The following NET1 variants were observed in gnomAD, a reference collection of about 807,000 sequenced individuals.
The protein encoded by NET1 is neuroepithelial cell transforming 1, also known as neuroepithelial cell-transforming gene 1 protein.
A neutral mutation model predicts 61.1 loss-of-function variants in NET1; 42 were observed. The observed-to-expected ratio is 0.69, with a 90% CI of 0.54 to 0.89. The LOEUF is 0.89. Ranked by LOEUF, NET1 falls within the 40% of genes least tolerant of loss-of-function variation. NET1 has a pLI of 0.00. For synonymous variants in NET1, 254 were observed against 281.8 expected, an observed-to-expected ratio of 0.90 and a Z score of 0.99; for missense variants, 654 against 747.3, an observed-to-expected ratio of 0.88 and a Z score of 1.46.
At position 5,416,049 on chromosome 10, in the gene NET1, C is replaced by T. The variant is rs183323727; in HGVS notation, c.128+3229C>T. On this transcript the variant is annotated intron_variant, in intron 1 of 11. Coordinates refer to ENST00000355029, the MANE Select transcript of NET1 (RefSeq NM_001047160.3). This position sits in a 1 kb window ranked among gnomAD's most constrained non-coding sequence, Gnocchi z 6.1. ...AGCTTTTATATTTGGGTCTTTAATCCATTTTGAGTTAGTTTTTGTATATAA... is the reference window on the plus strand; with the variant it reads ...AGCTTTTATATTTGGGTCTTTAATCTATTTTGAGTTAGTTTTTGTATATAA... Among the ~76,000 whole-genome samples the T allele has an allele frequency of 6.6e-6, 1 of 152,118 alleles. No individual in the cohort carries two copies. The highest frequency in any genetic ancestry group is 1.5e-5 in the Non-Finnish European group (1 of 67,982).
At position 5,458,432 on chromosome 10, in the gene NET1, T is replaced by C. The variant is rs1411019207; in HGVS notation, c.*1438T>C. 1.3e-5 allele frequency: 2 copies of C among 151,544 alleles called. No individual in the cohort carries two copies. Among genetic ancestry groups the C allele is most frequent in the East Asian group, 3.9e-4 (2 of 5,110 alleles). The allele number at this position is 151,544 out of a possible 1,614,324, so 9.4% of individuals were successfully genotyped here. A position where few individuals can be genotyped will look rare whatever the true frequency, so the allele number is the denominator to read the frequency against. On this transcript the variant is annotated 3_prime_UTR_variant, in exon 12 of 12. Transcript: ENST00000355029. The surrounding 1 kb of genome is among the most constrained non-coding windows in gnomAD (Gnocchi z 4.5). ...ATGATTTCTCTGTACAAATGAATGA[T>C]ACTATTAAAAAAAAAAAAAGCACAC...
At chr10:5,438,650 A>G (rs941414904) in intron 3 of NET1, among the ~76,000 whole-genome samples, 2 of 152,214 alleles carry the variant, frequency 1.3e-5, no homozygotes, top group African/African-American at 4.8e-5. Flanking sequence ...GGTAAATTCT[A>G]CCAAACATTT....
chr10:5,456,427 C>T lies in NET1; in HGVS notation c.1384+154C>T, dbSNP rs10904507. ...TCCAGGCCTTCCCAGCTCGAACACC[C>T]GCAGGTGTATCTAAGAAATAATGCA... On this transcript the variant is annotated intron_variant, in intron 11 of 11. Transcript: ENST00000355029. The surrounding 1 kb of genome is among the most constrained non-coding windows in gnomAD (Gnocchi z 7.0). The T allele has an allele frequency of 0.28, 274,993 of 998,076 alleles. 38,760 individuals carry two copies. Among genetic ancestry groups the T allele is most frequent in the Middle Eastern group, 0.29 (878 of 3,014 alleles). The allele number at this position is 998,076 out of a possible 1,614,324, so 61.8% of individuals were successfully genotyped here.
Position 5,412,681 on chromosome 10 carries a change from C to T in NET1, c.-12C>T, listed in dbSNP as rs745904750. On this transcript the variant is annotated 5_prime_UTR_variant, in exon 1 of 12. Transcript: ENST00000355029. This position sits in a 1 kb window ranked among gnomAD's most constrained non-coding sequence, Gnocchi z 6.5. The stretch of plus-strand genomic sequence containing the variant: ...GGGCACCCGGCCACCGCCCCACCCC[C>T]TCCTCCGTGCCATGGAGCCCGAGCT... 6.8e-7 allele frequency: 1 copy of T among 1,465,304 alleles called. No individual in the cohort carries two copies. Among genetic ancestry groups the T allele is most frequent in the Admixed American group, 2.8e-5 (1 of 36,358 alleles). The allele number at this position is 1,465,304 out of a possible 1,614,324, so 90.8% of individuals were successfully genotyped here.
intron 2 of NET1, among the ~76,000 whole-genome samples, chr10:5,428,501 A>AAAG (rs1832296150): frequency 6.6e-6 from 1 of 151,424 alleles, no homozygotes; most frequent in African/African-American, 2.4e-5. Flanking sequence ...TTCCTTTTCA[A>AAAG]AAAAAAAAAA....
intron 3 of NET1, among the ~76,000 whole-genome samples, chr10:5,436,246 A>ATG (rs1832435398): frequency 2.9e-5 from 1 of 34,138 alleles, no homozygotes; most frequent in African/African-American, 1.4e-4. Flanking sequence ...ATATATATAT[A>ATG]TATTTTTTTT....
chr10:5,456,662 T>A lies in NET1; in HGVS notation c.1459T>A (p.Phe487Ile). The change falls in exon 12 of 12, where the codon TTC becomes ATC. Residue 487 changes from phenylalanine (F) to isoleucine (I), a missense_variant. Transcript: ENST00000355029. This position sits in a 1 kb window ranked among gnomAD's most constrained non-coding sequence, Gnocchi z 7.0. ...TCACACTCTGCAAGCCAATGACGTG[T>A]TCCACAAGCAGCAGTGGTTCAACTG... ...QSHTLQANDVFHKQQWFNCIR... is the reference protein window; with the variant it reads ...QSHTLQANDVIHKQQWFNCIR... The A allele has an allele frequency of 6.2e-7, 1 of 1,613,866 alleles. No individual in the cohort carries two copies. Among genetic ancestry groups the A allele is most frequent in the Non-Finnish European group, 8.5e-7 (1 of 1,179,906 alleles).
rs552489259 is a variant in NET1 at position 5,444,509 on chromosome 10, A to G, written c.256-7321A>G. Among the ~76,000 whole-genome samples the G allele has an allele frequency of 2.1e-4, 32 of 152,268 alleles. No individual in the cohort carries two copies. Among genetic ancestry groups the G allele is most frequent in the African/African-American group, 7.0e-4 (29 of 41,548 alleles). ...ATAGCACACTTGAGATCCTCATTAA[A>G]CTTGTAATCACTAAATCCGTGGCTT... On this transcript the variant is annotated intron_variant, in intron 3 of 11. Coordinates refer to ENST00000355029, the MANE Select transcript of NET1 (RefSeq NM_001047160.3). The surrounding 1 kb of genome is among the most constrained non-coding windows in gnomAD (Gnocchi z 5.3).
Position 5,423,209 on chromosome 10 carries a change from A to C in NET1, c.129-3446A>C, listed in dbSNP as rs1332465520. 6.6e-6 allele frequency among the ~76,000 whole-genome samples: 1 copy of C among 152,128 alleles called. No individual in the cohort carries two copies. Among genetic ancestry groups the C allele is most frequent in the East Asian group, 1.9e-4 (1 of 5,194 alleles). ...ATCTTGAGGGTAAATTATGCTTTTAAGAATGCTTTTTTCCTGTTGGTAATA... is the reference window on the plus strand; with the variant it reads ...ATCTTGAGGGTAAATTATGCTTTTACGAATGCTTTTTTCCTGTTGGTAATA... On this transcript the variant is annotated intron_variant, in intron 1 of 11. Coordinates refer to ENST00000355029, the MANE Select transcript of NET1 (RefSeq NM_001047160.3). This position sits in a 1 kb window ranked among gnomAD's most constrained non-coding sequence, Gnocchi z 4.4.
chr10:5,413,967 A>C (rs2119159315), intron 1 of NET1, among the ~76,000 whole-genome samples: 1 of 152,328 alleles, frequency 6.6e-6, no homozygotes, highest in East Asian at 1.9e-4. Flanking sequence ...GATTAAAAGG[A>C]ACACTTAATC....
In NET1 at chr10:5,412,674, C is replaced by A; in HGVS notation, c.-19C>A. ...GTCTCCCGGGCACCCGGCCACCGCC[C>A]CACCCCCTCCTCCGTGCCATGGAGC... On this transcript the variant is annotated 5_prime_UTR_variant, in exon 1 of 12. Coordinates refer to ENST00000355029, the MANE Select transcript of NET1 (RefSeq NM_001047160.3). The surrounding 1 kb of genome is among the most constrained non-coding windows in gnomAD (Gnocchi z 6.5). The A allele has an allele frequency of 6.8e-7, 1 of 1,461,768 alleles. No individual in the cohort carries two copies. Among genetic ancestry groups the A allele is most frequent in the Non-Finnish European group, 8.9e-7 (1 of 1,118,422 alleles). The allele number at this position is 1,461,768 out of a possible 1,614,324, so 90.5% of individuals were successfully genotyped here. A position where few individuals can be genotyped will look rare whatever the true frequency, so the allele number is the denominator to read the frequency against.
intron 3 of NET1, among the ~76,000 whole-genome samples, chr10:5,436,930 A>G (rs933007698): frequency 5.9e-5 from 9 of 152,198 alleles, no homozygotes; most frequent in African/African-American, 9.7e-5. Context: ...AAGAAAGCCA[A>G]CTGCTGGTTC....
At chr10:5,436,412 G>A (rs1267456356) in intron 3 of NET1, among the ~76,000 whole-genome samples, 3 of 149,696 alleles carry the variant, frequency 2.0e-5, no homozygotes, top group Non-Finnish European at 4.4e-5. Context: ...TTAATTTTGT[G>A]TTTTTAGTAG....
chr10:5,420,392 G>A lies in NET1; in HGVS notation c.129-6263G>A, dbSNP rs777557175. On this transcript the variant is annotated intron_variant, in intron 1 of 11. Coordinates refer to ENST00000355029, the MANE Select transcript of NET1 (RefSeq NM_001047160.3). This position sits in a 1 kb window ranked among gnomAD's most constrained non-coding sequence, Gnocchi z 5.3. ...ATATACAATTTTTATAACTCAGGTGGAATATATTTGGTATGTTGTATAAGA... is the reference window on the plus strand; with the variant it reads ...ATATACAATTTTTATAACTCAGGTGAAATATATTTGGTATGTTGTATAAGA... Among the ~76,000 whole-genome samples, 11 of 152,074 alleles carry A rather than the reference G, an allele frequency of 7.2e-5. No homozygotes were observed. The highest frequency in any genetic ancestry group is 1.2e-4 in the Non-Finnish European group (8 of 68,014).
In NET1 at chr10:5,423,940, G is replaced by GA. The variant is rs1832220846; in HGVS notation, c.129-2709dup. On this transcript the variant is annotated intron_variant, in intron 1 of 11. Coordinates refer to ENST00000355029, the MANE Select transcript of NET1 (RefSeq NM_001047160.3). The surrounding 1 kb of genome is among the most constrained non-coding windows in gnomAD (Gnocchi z 4.4). ...AAATAGAATCTTGTTATTGAAGTGG[G>GA]AAAAAATAGCATTACTGTAAAGCTG... is the stretch of plus-strand genomic sequence containing the variant. Among the ~76,000 whole-genome samples the GA allele has an allele frequency of 6.6e-6, 1 of 152,018 alleles. No individual in the cohort carries two copies. The highest frequency in any genetic ancestry group is 1.5e-5 in the Non-Finnish European group (1 of 67,976).
Position 5,420,950 on chromosome 10 carries a change from G to A in NET1, c.129-5705G>A, listed in dbSNP as rs905663941. Among the ~76,000 whole-genome samples, 5 of 152,096 alleles carry A rather than the reference G, an allele frequency of 3.3e-5. No homozygotes were observed. The highest frequency in any genetic ancestry group is 1.9e-4 in the East Asian group (1 of 5,180). On this transcript the variant is annotated intron_variant, in intron 1 of 11. Coordinates refer to ENST00000355029, the MANE Select transcript of NET1 (RefSeq NM_001047160.3). This position sits in a 1 kb window ranked among gnomAD's most constrained non-coding sequence, Gnocchi z 5.3. ...TACTACATGATTGAGAGCTCAGAAC[G>A]AGGACTGCTTTTCTGGCCTAGTTTT...
In NET1 at chr10:5,446,979, A is replaced by G. The variant is rs1470303707; in HGVS notation, c.256-4851A>G. The G allele has an allele frequency of 7.5e-6, 5 of 669,538 alleles. No individual in the cohort carries two copies. Among genetic ancestry groups the G allele is most frequent in the Non-Finnish European group, 1.1e-5 (5 of 439,544 alleles). The allele number at this position is 669,538 out of a possible 1,614,324, so 41.5% of individuals were successfully genotyped here. On this transcript the variant is annotated intron_variant, in intron 3 of 11. Coordinates refer to ENST00000355029, the MANE Select transcript of NET1 (RefSeq NM_001047160.3). The surrounding 1 kb of genome is among the most constrained non-coding windows in gnomAD (Gnocchi z 5.0). ...ACTTTTGATCTTATTATTACAATGTATGTTCTTGATTTATGTGCAAGCTTG... is the reference window on the plus strand; with the variant it reads ...ACTTTTGATCTTATTATTACAATGTGTGTTCTTGATTTATGTGCAAGCTTG...
Position 5,426,310 on chromosome 10 carries a change from G to A in NET1, c.129-345G>A, listed in dbSNP as rs1050750104. 3.9e-5 allele frequency among the ~76,000 whole-genome samples: 6 copies of A among 152,050 alleles called. 1 individual carries two copies. Among genetic ancestry groups the A allele is most frequent in the Non-Finnish European group, 8.8e-5 (6 of 67,994 alleles). On this transcript the variant is annotated intron_variant, in intron 1 of 11. Coordinates refer to ENST00000355029, the MANE Select transcript of NET1 (RefSeq NM_001047160.3). This position sits in a 1 kb window ranked among gnomAD's most constrained non-coding sequence, Gnocchi z 4.6. ...TTTTTTGCACTTAGGAAGTTTGTTT[G>A]CTGTTTTTTATTTAACCTATTAATA...
rs1219783347 is a variant in NET1 at position 5,451,854 on chromosome 10, C to T, written c.280C>T (p.Pro94Ser). The T allele has an allele frequency of 1.9e-6, 3 of 1,613,670 alleles. No individual in the cohort carries two copies. The highest frequency in any genetic ancestry group is 2.5e-6 in the Non-Finnish European group (3 of 1,179,810). Residue 94 changes from proline (P) to serine (S), a missense_variant, in exon 4 of 12, where the codon CCT (proline) becomes TCT (serine). By Grantham distance (74) the Pro-to-Ser change is moderately conservative. Coordinates refer to ENST00000355029, the MANE Select transcript of NET1 (RefSeq NM_001047160.3). This position sits in a 1 kb window ranked among gnomAD's most constrained non-coding sequence, Gnocchi z 6.1. Reference protein sequence around the residue: ...LKEPSNKRVRPLARVTSLANL... With the variant: ...LKEPSNKRVRSLARVTSLANL... ...GGAGCCAAGCAATAAAAGAGTTCGA[C>T]CTCTGGCTCGTGTCACGTCCTTGGC...
Sources: gnomAD v4.1 joint callset for allele counts (sites outside exome capture counted in the v4.1 genomes callset) on GRCh38, gnomAD v4.1.1 for gene constraint, Gnocchi (gnomAD v3.1) non-coding constraint, MANE v1.5 for transcripts, NCBI Gene and HGNC (gene_info 2026-07-23, HGNC 2026-07-21) for gene names.